The following ZFAT variants were observed in gnomAD, a reference collection of about 807,000 sequenced individuals.
ZFAT encodes zinc finger protein ZFAT.
Under a neutral mutation model 117.7 loss-of-function variants are expected in ZFAT, and 64 were observed. That is an observed-to-expected ratio of 0.54 (90% CI 0.44 to 0.67). ZFAT has a LOEUF of 0.67. Among genes scored for constraint, ZFAT ranks in the 30% least tolerant of loss-of-function variants. The pLI is 0.00. For missense variants in ZFAT, 1,433 were observed against 1,584.5 expected (o/e 0.90, Z 1.62); for synonymous variants, 679 against 615.0 (o/e 1.10, Z -1.54).
the ZFAT span, among the ~76,000 whole-genome samples, chr8:134,748,574 C>T: frequency 6.6e-6 from 1 of 152,142 alleles, no homozygotes; most frequent in African/African-American, 2.4e-5. Context: ...TTACACTTAT[C>T]TTAGTGAATG....
At chr8:134,505,396 C>A (rs1162000665) in intron 15 of ZFAT, among the ~76,000 whole-genome samples, 2 of 152,192 alleles carry the variant, frequency 1.3e-5, no homozygotes, top group Non-Finnish European at 2.9e-5. Flanking sequence ...AATGCCCGCA[C>A]CCCTCAACCA....
intron 1 of ZFAT, among the ~76,000 whole-genome samples, chr8:134,670,088 C>T (rs917864448): frequency 3.3e-5 from 5 of 151,876 alleles, no homozygotes; most frequent in African/African-American, 1.2e-4. Context: ...ACAGGAGTAC[C>T]CAGATTCATA....
chr8:134,711,188 T>C (rs1813984474), intron 1 of ZFAT, among the ~76,000 whole-genome samples: 1 of 152,230 alleles, frequency 6.6e-6, no homozygotes, highest in Non-Finnish European at 1.5e-5. Flanking sequence ...AGGCTGGTCT[T>C]GAACTCCTGG....
chr8:134,771,181 C>T, the ZFAT span, among the ~76,000 whole-genome samples: 814 of 152,308 alleles, frequency 5.3e-3, 7 homozygotes, highest in African/African-American at 0.018. Flanking sequence ...GCTTGTGAGG[C>T]ATCACGGAAC....
At chr8:134,743,539 T>C in the ZFAT span, among the ~76,000 whole-genome samples, 2 of 152,164 alleles carry the variant, frequency 1.3e-5, no homozygotes, top group Non-Finnish European at 2.9e-5. Context: ...AATGTCATTA[T>C]ACTTTAAAAA....
intron 1 of ZFAT, among the ~76,000 whole-genome samples, chr8:134,710,041 C>A (rs768348940): frequency 4.6e-5 from 7 of 152,190 alleles, no homozygotes; most frequent in African/African-American, 1.7e-4. Context: ...AAAATATGAT[C>A]TTTTCTCATT....
intron 2 of ZFAT, among the ~76,000 whole-genome samples, chr8:134,653,053 GAAGTA>G (rs1298541727): frequency 2.0e-5 from 3 of 151,504 alleles, no homozygotes; most frequent in South Asian, 2.1e-4. Flanking sequence ...ATTATCCATA[GAAGTA>G]AATACCATAC....
rs374140661 is a variant in ZFAT at position 134,553,272 on chromosome 8, G to A, written c.2976+12061C>T. 3.9e-5 allele frequency among the ~76,000 whole-genome samples: 6 copies of A among 152,316 alleles called. No individual in the cohort carries two copies. The East Asian group carries it at 5.8e-4, about 15-fold the overall frequency. ...TGTAATCCCAACACTTTGGGAGGCC[G>A]AGGCAGGTGGATCAAGAGTTAGGAG... On this transcript the variant is annotated intron_variant, in intron 11 of 15. Coordinates refer to ENST00000377838, the MANE Select transcript of ZFAT (RefSeq NM_020863.4).
chr8:134,529,485 C>A (rs1821254340), intron 12 of ZFAT, among the ~76,000 whole-genome samples: 1 of 152,148 alleles, frequency 6.6e-6, no homozygotes, highest in Non-Finnish European at 1.5e-5. Flanking sequence ...GAAGTGATGG[C>A]TAAGAGGAAT....
chr8:134,517,206 G>T (rs561136874), intron 13 of ZFAT, among the ~76,000 whole-genome samples: 18 of 152,154 alleles, frequency 1.2e-4, no homozygotes, highest in African/African-American at 4.1e-4. Flanking sequence ...TATACAGTTA[G>T]AATAATTTAT....
At chr8:134,588,454 A>G in intron 8 of ZFAT, 59 bp from the exon 9 acceptor site, 1 of 1,497,092 alleles carries the variant, frequency 6.7e-7, no homozygotes, top group Admixed American at 2.4e-5. Context: ...GTTAGACATA[A>G]ATAAACCTCA....
chr8:134,629,546 G>A (rs115760036), intron 3 of ZFAT, among the ~76,000 whole-genome samples: 1 of 152,292 alleles, frequency 6.6e-6, no homozygotes, highest in African/African-American at 2.4e-5. Context: ...CTGGTGGAAG[G>A]TGATTGGATC....
chr8:134,590,155 C>A, intron 8 of ZFAT, 113 bp downstream of exon 8: 1 of 729,648 alleles, frequency 1.4e-6, no homozygotes, highest in South Asian at 2.2e-5. Flanking sequence ...TGAATATATT[C>A]ACAGCTTCAT....
intron 15 of ZFAT, among the ~76,000 whole-genome samples, chr8:134,489,221 T>A (rs1018953515): frequency 3.9e-5 from 6 of 151,924 alleles, no homozygotes; most frequent in Admixed American, 3.3e-4. Flanking sequence ...AGCCTCCAGG[T>A]AGGGAGGCCA....
the ZFAT span, among the ~76,000 whole-genome samples, chr8:134,812,864 C>G: frequency 1.3e-5 from 2 of 152,168 alleles, no homozygotes; most frequent in East Asian, 3.8e-4. Context: ...CATAACAACA[C>G]TATTAGGTAG....
At chr8:134,726,304 A>C in the ZFAT span, among the ~76,000 whole-genome samples, 1 of 152,188 alleles carries the variant, frequency 6.6e-6, no homozygotes, top group East Asian at 1.9e-4. Flanking sequence ...GCATGCTTCC[A>C]GGGCTTTGCA....
intron 7 of ZFAT, among the ~76,000 whole-genome samples, chr8:134,593,683 C>A (rs1296007228): frequency 6.6e-6 from 1 of 152,226 alleles, no homozygotes; most frequent in Non-Finnish European, 1.5e-5. Context: ...CTGCTCCGGG[C>A]AAACCTCATC....
At chr8:134,674,896 A>G (rs1320189686) in intron 1 of ZFAT, 1 of 163,646 alleles carries the variant, frequency 6.1e-6, no homozygotes, top group South Asian at 1.4e-4. Context: ...GACCTGCAGC[A>G]GAGGGGCCTG....
chr8:134,797,688 T>C, the ZFAT span: 2 of 152,156 alleles, frequency 1.3e-5, no homozygotes, highest in East Asian at 3.9e-4. Context: ...AAAAATACCC[T>C]TGGGACTAGT....
Sources: gnomAD v4.1 joint callset for allele counts (sites outside exome capture counted in the v4.1 genomes callset) on GRCh38, gnomAD v4.1.1 for gene constraint, MANE v1.5 for transcripts, NCBI Gene and HGNC (gene_info 2026-07-23, HGNC 2026-07-21) for gene names.